DCC: variants seen among roughly 807,000 people sequenced by gnomAD.
The protein encoded by DCC is netrin receptor DCC.
A neutral mutation model predicts 172.5 loss-of-function variants in DCC; 58 were observed. That is an observed-to-expected ratio of 0.34 (90% CI 0.27 to 0.42). The LOEUF is 0.42. DCC is among the 10% of genes least tolerant of loss of function. The pLI, the probability that DCC is intolerant of heterozygous loss-of-function variation, is 1.00. For synonymous variants in DCC, 709 were observed against 644.5 expected (o/e 1.10, Z -1.52); for missense variants, 1,740 against 1,791.0 (o/e 0.97, Z 0.51).
intron 1 of DCC, among the ~76,000 whole-genome samples, chr18:52,457,678 T>C (rs1162934521): frequency 6.6e-6 from 1 of 152,038 alleles, no homozygotes; most frequent in Non-Finnish European, 1.5e-5. Flanking sequence ...TGAGAAGAAA[T>C]TGAACAAATA....
intron 2 of DCC, among the ~76,000 whole-genome samples, chr18:52,833,017 CCT>C (rs1350021624): frequency 2.6e-5 from 4 of 152,034 alleles, no homozygotes; most frequent in Non-Finnish European, 5.9e-5. Flanking sequence ...GAATATATAA[CCT>C]CTTGTTTAAT....
At chr18:53,099,935 C>CTTTTTTTTTTTTTTTTT (rs1476054809) in intron 7 of DCC, among the ~76,000 whole-genome samples, 1 of 117,112 alleles carries the variant, frequency 8.5e-6, no homozygotes, top group African/African-American at 3.8e-5. Flanking sequence ...CTTTTCTTTT[C>CTTTTTTTTTTTTTTTTT]TTTCTTTCTT....
In DCC at chr18:53,131,063, G is replaced by T. The variant is rs567959991; in HGVS notation, c.1262-26293G>T. Among the ~76,000 whole-genome samples the T allele has an allele frequency of 2.0e-5, 3 of 152,096 alleles. No homozygotes were observed. In the East Asian group the frequency reaches 5.8e-4, roughly 29 times the overall value. The stretch of plus-strand genomic sequence containing the variant: ...CATTTTCAAGAATGCTTAAAAGGCT[G>T]CGTTAGAAAATAACACAAAGGAACT... On this transcript the variant is annotated intron_variant, in intron 7 of 28. Coordinates refer to ENST00000442544, the MANE Select transcript of DCC (RefSeq NM_005215.4).
chr18:52,901,742 G>T (rs1477389844), intron 2 of DCC, among the ~76,000 whole-genome samples: 1 of 152,248 alleles, frequency 6.6e-6, no homozygotes, highest in Admixed American at 6.5e-5. Context: ...TTCAAAATTT[G>T]GATGTCTGCA....
intron 1 of DCC, among the ~76,000 whole-genome samples, chr18:52,466,924 C>T (rs906638721): frequency 6.6e-6 from 1 of 152,016 alleles, no homozygotes; most frequent in African/African-American, 2.4e-5. Flanking sequence ...AACCAACTTG[C>T]CCAAGCTTAC....
chr18:53,262,641 ACT>A (rs1337862920), intron 12 of DCC, among the ~76,000 whole-genome samples: 1 of 152,226 alleles, frequency 6.6e-6, no homozygotes. Context: ...AATGAAAAAC[ACT>A]GTTAAATTCT....
intron 2 of DCC, among the ~76,000 whole-genome samples, chr18:52,884,195 T>C (rs1162555953): frequency 1.3e-5 from 2 of 152,136 alleles, no homozygotes; most frequent in African/African-American, 2.4e-5. Flanking sequence ...TTAAATCTCC[T>C]TGGTGCTCAA....
At chr18:52,459,882 CATATAT>C (rs34562886) in intron 1 of DCC, among the ~76,000 whole-genome samples, 1 of 148,638 alleles carries the variant, frequency 6.7e-6, no homozygotes, top group African/African-American at 2.5e-5. Flanking sequence ...GCATAGTATT[CATATAT>C]ATATATATAT....
In DCC at chr18:52,575,666, TAGTA is replaced by T. The variant is rs147080060; in HGVS notation, c.92-176384_92-176381del. On this transcript the variant is annotated intron_variant, in intron 1 of 28. Transcript: ENST00000442544. ...GTGATTTTTAGGATAGTGATAATAA[TAGTA>T]AGTGCCTTTGAAAAAGGAAGGCAAT... 3.2e-3 allele frequency among the ~76,000 whole-genome samples: 487 copies of T among 152,272 alleles called. 6 individuals carry two copies. The highest frequency in any genetic ancestry group is 0.031 in the East Asian group (160 of 5,158).
chr18:52,636,541 G>T (rs768842216), intron 1 of DCC, among the ~76,000 whole-genome samples: 1 of 152,108 alleles, frequency 6.6e-6, no homozygotes, highest in Non-Finnish European at 1.5e-5. Flanking sequence ...CCAGAGCTGG[G>T]TGAGGCCTAT....
chr18:52,486,023 G>C (rs912164389), intron 1 of DCC, among the ~76,000 whole-genome samples: 6 of 152,030 alleles, frequency 3.9e-5, no homozygotes, highest in Non-Finnish European at 7.4e-5. Flanking sequence ...TAGAGACAGG[G>C]TCTTGTTCTG....
chr18:53,300,524 C>T lies in DCC; in HGVS notation c.1912-5054C>T, dbSNP rs933924739. Among the ~76,000 whole-genome samples the T allele has an allele frequency of 5.3e-5, 8 of 152,200 alleles. No homozygotes were observed. The East Asian group carries it at 1.2e-3, about 22-fold the overall frequency. The stretch of plus-strand genomic sequence containing the variant: ...GAAGGCTGCGATCTGCCTTATTTCT[C>T]GCATTAAAGTTCAAAGTTAAAGAGT... On this transcript the variant is annotated intron_variant, in intron 12 of 28. Transcript: ENST00000442544.
chr18:52,876,428 AGG>A (rs1489497451), intron 2 of DCC, among the ~76,000 whole-genome samples: 2 of 152,242 alleles, frequency 1.3e-5, no homozygotes. Flanking sequence ...TCATATGCAT[AGG>A]CATACATTCT....
At chr18:52,560,466 A>G (rs934361563) in intron 1 of DCC, among the ~76,000 whole-genome samples, 4 of 152,202 alleles carry the variant, frequency 2.6e-5, no homozygotes, top group Admixed American at 2.0e-4. Flanking sequence ...GAATACCCTC[A>G]TTGCAAGGAT....
intron 1 of DCC, among the ~76,000 whole-genome samples, chr18:52,638,354 T>G (rs1383926895): frequency 6.6e-6 from 1 of 151,786 alleles, no homozygotes; most frequent in Non-Finnish European, 1.5e-5. Flanking sequence ...ATAGTAACAT[T>G]GAATGTAAAT....
At chr18:52,952,324 C>T (rs954369280) in intron 5 of DCC, among the ~76,000 whole-genome samples, 8 of 152,028 alleles carry the variant, frequency 5.3e-5, no homozygotes, top group African/African-American at 1.7e-4. Context: ...TGTAAACATC[C>T]CCTCTATTAA....
intron 1 of DCC, among the ~76,000 whole-genome samples, chr18:52,664,996 G>C (rs2035438043): frequency 6.6e-6 from 1 of 152,186 alleles, no homozygotes; most frequent in Non-Finnish European, 1.5e-5. Flanking sequence ...AAACAAGCAA[G>C]GCAGGTCAAT....
At chr18:52,724,072 C>T (rs956103948) in intron 1 of DCC, among the ~76,000 whole-genome samples, 4 of 152,146 alleles carry the variant, frequency 2.6e-5, no homozygotes, top group Non-Finnish European at 4.4e-5. Flanking sequence ...TAGAGACCAT[C>T]CATCACTTTC....
intron 12 of DCC, among the ~76,000 whole-genome samples, chr18:53,302,212 C>A (rs1012876197): frequency 2.0e-5 from 3 of 152,016 alleles, no homozygotes; most frequent in African/African-American, 7.2e-5. Context: ...TTCTAAGATA[C>A]AGGAGTAATA....
Sources: allele counts gnomAD v4.1 joint callset (sites outside exome capture counted in the v4.1 genomes callset), GRCh38; gene constraint gnomAD v4.1.1; transcripts MANE v1.5; gene names NCBI Gene and HGNC (gene_info 2026-07-23, HGNC 2026-07-21).